THSD7A: variants seen among roughly 807,000 people sequenced by gnomAD.
The protein encoded by THSD7A is thrombospondin type 1 domain containing 7A.
In THSD7A, 96 loss-of-function variants were observed where a neutral mutation model predicts 231.3. The observed-to-expected ratio is 0.41, with a 90% CI of 0.35 to 0.49. THSD7A has a LOEUF of 0.49. Among genes scored for constraint, THSD7A ranks in the 20% least tolerant of loss-of-function variants. THSD7A has a pLI of 0.05. For missense variants in THSD7A, 2,290 were observed against 2,070.2 expected (o/e 1.11, Z -2.06); for synonymous variants, 940 against 743.3 (o/e 1.26, Z -4.30).
chr7:11,820,850 T>G (rs1299242752), intron 1 of THSD7A: 18 of 950,788 alleles, frequency 1.9e-5, no homozygotes, highest in Admixed American at 7.6e-5. Context: ...TTTATAAGTT[T>G]TCTGTTTTCT....
rs552611747 is a variant in THSD7A, at chr7:11,581,997, C to G, written c.1453+8463G>C. 1.1e-4 allele frequency among the ~76,000 whole-genome samples: 17 copies of G among 152,124 alleles called. No homozygotes were observed. The South Asian group carries it at 3.5e-3, about 32-fold the overall frequency. On this transcript the variant is annotated intron_variant, in intron 4 of 27. Transcript: ENST00000423059. The stretch of plus-strand genomic sequence containing the variant: ...GTCACTGTAAACATTTGTAATACAG[C>G]TGATTTGTCTCTCAGATGCAGTTTA...
intron 7 of THSD7A, among the ~76,000 whole-genome samples, chr7:11,475,730 T>C (rs1786142990): frequency 1.3e-5 from 2 of 150,562 alleles, no homozygotes; most frequent in Admixed American, 6.6e-5. Context: ...GCTGTAAAAA[T>C]TGAACAAGTT....
At chr7:11,701,973 GGTGT>G (rs1780618060) in intron 1 of THSD7A, among the ~76,000 whole-genome samples, 1 of 151,010 alleles carries the variant, frequency 6.6e-6, no homozygotes, top group East Asian at 2.0e-4. Flanking sequence ...CAAGCAATTG[GGTGT>G]ACCTTGTTGC....
rs559034140 is a variant in THSD7A at position 11,762,178 on chromosome 7, G to A, written c.190+69579C>T. 6.9e-4 allele frequency among the ~76,000 whole-genome samples: 105 copies of A among 152,084 alleles called. No individual in the cohort carries two copies. The South Asian group carries it at 0.02, about 29-fold the overall frequency. ...ATAGACACTTAGGTTCCCTAACTTA[G>A]GATTGTAAATAGTGCTGTGATAAAC... On this transcript the variant is annotated intron_variant, in intron 1 of 27. Transcript: ENST00000423059.
Position 11,411,212 on chromosome 7 carries a change from C to G in THSD7A, c.3793G>C (p.Glu1265Gln). Residue 1265 changes from glutamate (E) to glutamine (Q), a missense_variant, in exon 19 of 28, where the codon GAA becomes CAA. Glu to Gln is a conservative substitution (Grantham distance 29). Coordinates refer to ENST00000423059, the MANE Select transcript of THSD7A (RefSeq NM_015204.3). The surrounding 1 kb of genome is among the most constrained non-coding windows in gnomAD (Gnocchi z 4.1). ...ATAACACAGCATCCACCTACCGCTT[C>G]ACAATATTTCAGGTCAACTGACTTG... Reference protein sequence around the residue: ...DGKSVDLKYCEALGLEKNWQM... With the variant: ...DGKSVDLKYCQALGLEKNWQM... 1 of 1,611,914 alleles carries G rather than the reference C, an allele frequency of 6.2e-7. No individual in the cohort carries two copies.
intron 1 of THSD7A, among the ~76,000 whole-genome samples, chr7:11,721,156 C>A (rs140407951): frequency 0.013 from 1,937 of 151,772 alleles, 19 homozygotes; most frequent in Non-Finnish European, 0.019. Flanking sequence ...TTATTTTATC[C>A]TAGTAATCTA....
At chr7:11,758,112 A>C (rs897138478) in intron 1 of THSD7A, among the ~76,000 whole-genome samples, 2 of 151,368 alleles carry the variant, frequency 1.3e-5, no homozygotes. Context: ...ATAGGAACCT[A>C]ATAGTGATTG....
intron 14 of THSD7A, among the ~76,000 whole-genome samples, chr7:11,427,472 A>G (rs940885378): frequency 1.3e-5 from 2 of 152,292 alleles, no homozygotes; most frequent in East Asian, 3.9e-4. Flanking sequence ...CAAATGGTTT[A>G]GGCCAAACAC....
At chr7:11,623,125 G>A (rs1322645318) in intron 2 of THSD7A, among the ~76,000 whole-genome samples, 1 of 152,136 alleles carries the variant, frequency 6.6e-6, no homozygotes, top group African/African-American at 2.4e-5. Flanking sequence ...TATCATCCAG[G>A]TCAGTGCTAT....
At chr7:11,479,411 T>A (rs924451706) in intron 7 of THSD7A, among the ~76,000 whole-genome samples, 2 of 152,344 alleles carry the variant, frequency 1.3e-5, no homozygotes, top group African/African-American at 4.8e-5. Context: ...ACACTTCATA[T>A]ATCATTTCTC....
In THSD7A at chr7:11,541,583, G is replaced by A. The variant is rs371584882; in HGVS notation, c.1658C>T (p.Ser553Phe). The A allele has an allele frequency of 6.2e-7, 1 of 1,613,976 alleles. No individual in the cohort carries two copies. Reference protein sequence around the residue: ...RRITNEPTGGSGVTGNCPHLL... With the variant: ...RRITNEPTGGFGVTGNCPHLL... ...GTGAGGGCAGTTTCCGGTTACCCCA[G>A]AGCCTCCAGTGGGCTCATTGGTAAT... Residue 553 changes from serine to phenylalanine, a missense_variant, in exon 6 of 28, where the codon TCT becomes TTT. By Grantham distance (155) the Ser-to-Phe change is radical. Coordinates refer to ENST00000423059, the MANE Select transcript of THSD7A (RefSeq NM_015204.3).
chr7:11,617,906 C>A (rs1781163073), intron 2 of THSD7A, among the ~76,000 whole-genome samples: 1 of 152,160 alleles, frequency 6.6e-6, no homozygotes, highest in East Asian at 1.9e-4. Flanking sequence ...TTAATGGGTG[C>A]AGCACACCAA....
intron 22 of THSD7A, among the ~76,000 whole-genome samples, chr7:11,404,813 C>T (rs2115365439): frequency 6.6e-6 from 1 of 152,000 alleles, no homozygotes; most frequent in South Asian, 2.1e-4. Context: ...ATGAGATCTA[C>T]CCACTTAACA....
intron 1 of THSD7A, among the ~76,000 whole-genome samples, chr7:11,653,424 G>A (rs80210186): frequency 0.046 from 6,803 of 146,876 alleles, 188 homozygotes; most frequent in East Asian, 0.14. Context: ...GCCCAGAGAG[G>A]AACACCGAGA....
chr7:11,499,997 C>A (rs1181656839), intron 6 of THSD7A, among the ~76,000 whole-genome samples: 1 of 152,076 alleles, frequency 6.6e-6, no homozygotes, highest in Non-Finnish European at 1.5e-5. Context: ...ACAAGAAGAT[C>A]ATCCATCCCC....
At chr7:11,811,809 C>A (rs898677657) in intron 1 of THSD7A, among the ~76,000 whole-genome samples, 2 of 152,092 alleles carry the variant, frequency 1.3e-5, no homozygotes, top group African/African-American at 2.4e-5. Context: ...CACTTGGATT[C>A]TTTCTGGGAA....
rs146934826 is a variant in THSD7A at position 11,640,977 on chromosome 7, T to C, written c.191-4016A>G. 3.2e-3 allele frequency among the ~76,000 whole-genome samples: 491 copies of C among 152,274 alleles called. 2 individuals carry two copies. Among genetic ancestry groups the C allele is most frequent in the African/African-American group, 0.011 (456 of 41,576 alleles). On this transcript the variant is annotated intron_variant, in intron 1 of 27. Coordinates refer to ENST00000423059, the MANE Select transcript of THSD7A (RefSeq NM_015204.3). ...ACATTTCTAATCACCTAGTTCTTTA[T>C]TGATTTTTCACAATGTTGATCCCAC...
rs774588531 is a variant in THSD7A, at chr7:11,379,680, C to T, written c.4540G>A (p.Asp1514Asn). The stretch of plus-strand genomic sequence containing the variant: ...CTACACGGTGGGTTACAAGACCTGT[C>T]GGCATCAGGCTGGCTCATCACCAAG... ...GCLVMSQPDA[D>N]RSCNPPCSQP... is the part of the protein sequence containing the mutation. The change falls in exon 25 of 28, where the codon GAC (aspartate) becomes AAC (asparagine). Residue 1514 changes from aspartate to asparagine, a missense_variant. Coordinates refer to ENST00000423059, the MANE Select transcript of THSD7A (RefSeq NM_015204.3). 1.5e-5 allele frequency: 24 copies of T among 1,593,090 alleles called. No homozygotes were observed. Among genetic ancestry groups the T allele is most frequent in the South Asian group, 8.0e-5 (7 of 87,560 alleles).
At chr7:11,639,203 ATTAT>A (rs1781983413) in intron 1 of THSD7A, among the ~76,000 whole-genome samples, 1 of 152,198 alleles carries the variant, frequency 6.6e-6, no homozygotes, top group South Asian at 2.1e-4. Context: ...TTCCTGATAT[ATTAT>A]TTTTTTCCAG....
Sources: allele counts gnomAD v4.1 joint callset (sites outside exome capture counted in the v4.1 genomes callset), GRCh38; gene constraint gnomAD v4.1.1; non-coding constraint Gnocchi (gnomAD v3.1); transcripts MANE v1.5; gene names NCBI Gene and HGNC (gene_info 2026-07-23, HGNC 2026-07-21).